Variants in FHIT observed in about 807,000 individuals in gnomAD.
The protein encoded by FHIT is bis(5'-adenosyl)-triphosphatase.
In FHIT, 19 loss-of-function variants were observed where a neutral mutation model predicts 17.9. The observed-to-expected ratio is 1.06, with a 90% CI of 0.74 to 1.56. FHIT has a LOEUF of 1.56. Among genes scored for constraint, FHIT ranks in the 40% most tolerant of loss-of-function variants. FHIT has a pLI of 0.00. For missense variants in FHIT, 248 were observed against 189.2 expected, an observed-to-expected ratio of 1.31 and a Z score of -1.82; for synonymous variants, 81 against 69.7, an observed-to-expected ratio of 1.16 and a Z score of -0.81.
At chr3:60,123,959 G>A (rs1411721872) in intron 5 of FHIT, among the ~76,000 whole-genome samples, 2 of 82,716 alleles carry the variant, frequency 2.4e-5, no homozygotes, top group African/African-American at 5.1e-5. Context: ...TAACAGAAAT[G>A]CACTAAAAAT....
At chr3:60,155,201 C>T (rs1474837306) in intron 5 of FHIT, among the ~76,000 whole-genome samples, 2 of 150,154 alleles carry the variant, frequency 1.3e-5, no homozygotes, top group East Asian at 1.9e-4. Context: ...AGTCACAGAG[C>T]TGGTGCCATT....
intron 5 of FHIT, among the ~76,000 whole-genome samples, chr3:60,381,767 C>A (rs939283748): frequency 6.6e-6 from 1 of 151,334 alleles, no homozygotes; most frequent in African/African-American, 2.4e-5. Context: ...TTTCTCCTAT[C>A]CTCTACATGG....
rs1010012408 is a variant in FHIT, at chr3:59,896,656, A to G, written c.348+25690T>C. Among the ~76,000 whole-genome samples the G allele has an allele frequency of 6.6e-5, 10 of 152,246 alleles. No individual in the cohort carries two copies. In the East Asian group the frequency reaches 1.9e-3, roughly 29 times the overall value. Reference sequence around the variant, plus strand: ...AATGAAATAATTTTACTAATTCTTAATACATAACCATAGCAATGATTTTGT... The same window carrying G: ...AATGAAATAATTTTACTAATTCTTAGTACATAACCATAGCAATGATTTTGT... On this transcript the variant is annotated intron_variant, in intron 8 of 9. Coordinates refer to ENST00000492590, the MANE Select transcript of FHIT (RefSeq NM_002012.4).
At position 60,671,930 on chromosome 3, in the gene FHIT, A is replaced by G. The variant is rs530830786; in HGVS notation, c.-17-134951T>C. On this transcript the variant is annotated intron_variant, in intron 4 of 9. Transcript: ENST00000492590. ...ATGCCATTGCACTCCATCCTGGGCA[A>G]CAAGAGCAAAACTCTGTCTTGAAAA... Among the ~76,000 whole-genome samples, 6 of 152,274 alleles carry G rather than the reference A, an allele frequency of 3.9e-5. No homozygotes were observed. In the East Asian group the frequency reaches 1.2e-3, roughly 29 times the overall value.
chr3:60,279,938 A>T (rs544719053), intron 5 of FHIT, among the ~76,000 whole-genome samples: 1 of 151,026 alleles, frequency 6.6e-6, no homozygotes, highest in African/African-American at 2.4e-5. Flanking sequence ...AGGCTGAGGC[A>T]GGAGAATGGC....
chr3:60,900,594 T>C (rs1706068643), intron 3 of FHIT, among the ~76,000 whole-genome samples: 1 of 152,148 alleles, frequency 6.6e-6, no homozygotes, highest in Non-Finnish European at 1.5e-5. Flanking sequence ...TGGACACTTC[T>C]ACCTACATTT....
chr3:60,763,034 T>C (rs1488003003), intron 4 of FHIT, among the ~76,000 whole-genome samples: 2 of 152,172 alleles, frequency 1.3e-5, no homozygotes, highest in Non-Finnish European at 2.9e-5. Context: ...TGAAACTGAA[T>C]GCAATTCTCT....
intron 3 of FHIT, among the ~76,000 whole-genome samples, chr3:60,899,304 T>C (rs532308802): frequency 6.6e-6 from 1 of 152,334 alleles, no homozygotes; most frequent in East Asian, 1.9e-4. Context: ...TGCATATCTT[T>C]TTACACTTCC....
At chr3:60,851,532 T>C (rs1439795315) in intron 3 of FHIT, among the ~76,000 whole-genome samples, 3 of 152,128 alleles carry the variant, frequency 2.0e-5, no homozygotes, top group Admixed American at 6.6e-5. Flanking sequence ...ACCTATATTA[T>C]TTACATCAGT....
At chr3:59,894,581 C>G (rs931089272) in intron 8 of FHIT, among the ~76,000 whole-genome samples, 1 of 152,148 alleles carries the variant, frequency 6.6e-6, no homozygotes, top group African/African-American at 2.4e-5. Flanking sequence ...CAAATCTACA[C>G]AGTTCTTTAT....
chr3:61,028,894 AAAAAAAG>A (rs2032869431), intron 3 of FHIT, among the ~76,000 whole-genome samples: 1 of 150,944 alleles, frequency 6.6e-6, no homozygotes, highest in African/African-American at 2.5e-5. Flanking sequence ...ACCAACAAAA[AAAAAAAG>A]AAAAAAAAAA....
At chr3:61,008,650 A>C (rs1315365515) in intron 3 of FHIT, among the ~76,000 whole-genome samples, 1 of 152,214 alleles carries the variant, frequency 6.6e-6, no homozygotes, top group East Asian at 1.9e-4. Flanking sequence ...ACTAAGCCTG[A>C]GTGGGCCTGA....
At chr3:59,791,821 T>G (rs1393560257) in intron 8 of FHIT, among the ~76,000 whole-genome samples, 1 of 152,058 alleles carries the variant, frequency 6.6e-6, no homozygotes, top group Non-Finnish European at 1.5e-5. Context: ...CAAACTCTCA[T>G]AGAAGAAGGA....
At chr3:60,851,888 T>C (rs535324959) in intron 3 of FHIT, among the ~76,000 whole-genome samples, 2 of 152,108 alleles carry the variant, frequency 1.3e-5, no homozygotes, top group Non-Finnish European at 2.9e-5. Context: ...GTAGCCTTGA[T>C]ATAAATCCTG....
chr3:60,393,602 A>G (rs932734918), intron 5 of FHIT, among the ~76,000 whole-genome samples: 4 of 152,126 alleles, frequency 2.6e-5, no homozygotes, highest in African/African-American at 7.2e-5. Flanking sequence ...GAATGTGGAC[A>G]ACACACTCCA....
chr3:60,390,792 A>T (rs982615141), intron 5 of FHIT, among the ~76,000 whole-genome samples: 4 of 152,204 alleles, frequency 2.6e-5, no homozygotes, highest in African/African-American at 9.6e-5. Context: ...AAAGATAGAA[A>T]ATATTTGTAC....
chr3:59,908,404 T>C (rs1043934870), intron 8 of FHIT, among the ~76,000 whole-genome samples: 1 of 152,360 alleles, frequency 6.6e-6, no homozygotes, highest in South Asian at 2.1e-4. Context: ...TCTGACAAGC[T>C]GGCAAAGGCC....
intron 4 of FHIT, among the ~76,000 whole-genome samples, chr3:60,636,069 G>A (rs948631679): frequency 6.7e-5 from 9 of 134,862 alleles, no homozygotes; most frequent in East Asian, 6.3e-4. Flanking sequence ...TTTGTACAAT[G>A]ATTTTTTTTT....
chr3:61,116,908 AT>A (rs1320699346), intron 2 of FHIT, among the ~76,000 whole-genome samples: 1 of 152,188 alleles, frequency 6.6e-6, no homozygotes, highest in African/African-American at 2.4e-5. Context: ...TAACTGAAAA[AT>A]ATCAGTGTGC....
Sources: gnomAD v4.1 joint callset for allele counts (sites outside exome capture counted in the v4.1 genomes callset) on GRCh38, gnomAD v4.1.1 for gene constraint, MANE v1.5 for transcripts, NCBI Gene and HGNC (gene_info 2026-07-23, HGNC 2026-07-21) for gene names.